Variants in PTPRD observed in about 807,000 individuals in gnomAD.
PTPRD encodes the protein receptor-type tyrosine-protein phosphatase delta.
Under a neutral mutation model 214.5 loss-of-function variants are expected in PTPRD, and 34 were observed. That is an observed-to-expected ratio of 0.16 (90% CI 0.12 to 0.21). PTPRD has a LOEUF of 0.21. PTPRD is among the 10% of genes least tolerant of loss of function. PTPRD has a pLI of 1.00. For synonymous variants in PTPRD, 1,128 were observed against 845.7 expected (o/e 1.33, Z -5.79); for missense variants, 2,545 against 2,398.7 (o/e 1.06, Z -1.27).
chr9:9,726,773 C>T (rs1427781990), intron 7 of PTPRD, among the ~76,000 whole-genome samples: 1 of 152,082 alleles, frequency 6.6e-6, no homozygotes, highest in South Asian at 2.1e-4. Context: ...GAATGATACA[C>T]AGGCTCAGGC....
At position 9,237,331 on chromosome 9, in the gene PTPRD, A is replaced by G. The variant is rs372863582; in HGVS notation, c.-202-53968T>C. On this transcript the variant is annotated intron_variant, in intron 9 of 45. Transcript: ENST00000381196. ...TGTAATCCCAGTACTTTGGGAGGCC[A>G]AGGCAGGAGGATCACTGGAGCCCAG... 2.6e-5 allele frequency among the ~76,000 whole-genome samples: 4 copies of G among 152,192 alleles called. No individual in the cohort carries two copies. The East Asian group carries it at 5.8e-4, about 22-fold the overall frequency.
At chr9:8,374,060 T>A (rs10977015) in intron 39 of PTPRD, among the ~76,000 whole-genome samples, 11,899 of 151,318 alleles carry the variant, frequency 0.079, 589 homozygotes, top group Middle Eastern at 0.17. Context: ...ACTCCCAAAT[T>A]ATGTGTCTCT....
intron 8 of PTPRD, among the ~76,000 whole-genome samples, chr9:9,533,917 T>A (rs964666157): frequency 6.6e-6 from 1 of 152,100 alleles, no homozygotes. Context: ...CTTTTTACTG[T>A]ATCCTTACTT....
intron 12 of PTPRD, among the ~76,000 whole-genome samples, chr9:8,694,401 A>G (rs1288668731): frequency 2.0e-5 from 3 of 152,210 alleles, no homozygotes; most frequent in Non-Finnish European, 4.4e-5. Flanking sequence ...ACATTCATAC[A>G]AACAACACTT....
At chr9:10,088,078 G>A (rs2098378661) in intron 3 of PTPRD, among the ~76,000 whole-genome samples, 1 of 151,720 alleles carries the variant, frequency 6.6e-6, no homozygotes, top group Non-Finnish European at 1.5e-5. Flanking sequence ...ATCCATTCAC[G>A]AATTTACTTA....
chr9:9,645,813 T>C (rs1022116057), intron 7 of PTPRD, among the ~76,000 whole-genome samples: 4 of 152,180 alleles, frequency 2.6e-5, no homozygotes, highest in African/African-American at 9.6e-5. Flanking sequence ...TTTAAAGATA[T>C]TACAGTGAGT....
intron 8 of PTPRD, among the ~76,000 whole-genome samples, chr9:9,497,384 G>A (rs1216213221): frequency 6.6e-6 from 1 of 152,076 alleles, no homozygotes; most frequent in Non-Finnish European, 1.5e-5. Context: ...GCATAGAAGA[G>A]TCCATTTTGG....
At chr9:8,657,444 C>T (rs1400561919) in intron 12 of PTPRD, among the ~76,000 whole-genome samples, 2 of 152,128 alleles carry the variant, frequency 1.3e-5, no homozygotes, top group African/African-American at 2.4e-5. Flanking sequence ...GCTGGGATTA[C>T]AGGCGTGAGC....
chr9:10,595,306 G>C (rs1462052419), intron 2 of PTPRD, among the ~76,000 whole-genome samples: 2 of 151,714 alleles, frequency 1.3e-5, no homozygotes, highest in Non-Finnish European at 2.9e-5. Context: ...AAAAAGAGAT[G>C]AACTATAAAA....
chr9:9,748,443 A>C (rs941781548), intron 6 of PTPRD, among the ~76,000 whole-genome samples: 8 of 152,260 alleles, frequency 5.3e-5, no homozygotes, highest in African/African-American at 1.4e-4. Context: ...AACCAAGATC[A>C]AAATAAAGAC....
At chr9:10,510,211 C>A (rs962037946) in intron 2 of PTPRD, among the ~76,000 whole-genome samples, 2 of 152,070 alleles carry the variant, frequency 1.3e-5, no homozygotes, top group Admixed American at 6.6e-5. Context: ...CTTTCCCATA[C>A]CACTCAGTAT....
intron 5 of PTPRD, among the ~76,000 whole-genome samples, chr9:9,924,317 A>T (rs2083520490): frequency 6.6e-6 from 1 of 152,062 alleles, no homozygotes; most frequent in South Asian, 2.1e-4. Flanking sequence ...AGGACCAGAT[A>T]CACGAGCTAA....
At chr9:8,461,319 G>C (rs2096394052) in intron 32 of PTPRD, among the ~76,000 whole-genome samples, 1 of 152,058 alleles carries the variant, frequency 6.6e-6, no homozygotes, top group South Asian at 2.1e-4. Flanking sequence ...TCAGAGATTG[G>C]TATGTTTGTT....
intron 14 of PTPRD, among the ~76,000 whole-genome samples, chr9:8,566,100 A>AGGTGTGTGTGTGTGTG (rs143621142): frequency 7.3e-6 from 1 of 137,814 alleles, no homozygotes; most frequent in African/African-American, 2.7e-5. Flanking sequence ...AATGCAAAAT[A>AGGTGTGTGTGTGTGTG]TGTGTGTGTG....
intron 14 of PTPRD, among the ~76,000 whole-genome samples, chr9:8,539,836 C>G (rs1404324943): frequency 6.6e-6 from 1 of 152,052 alleles, no homozygotes; most frequent in Non-Finnish European, 1.5e-5. Context: ...CAATTCTGAA[C>G]TGGAGCCTCT....
chr9:9,587,820 T>G (rs540057729), intron 7 of PTPRD, among the ~76,000 whole-genome samples: 100 of 152,020 alleles, frequency 6.6e-4, no homozygotes, highest in African/African-American at 2.4e-3. Flanking sequence ...TCATAGAGAA[T>G]AGAATGGTAA....
At chr9:10,394,150 A>ATATATC (rs2098125638) in intron 2 of PTPRD, among the ~76,000 whole-genome samples, 3 of 145,504 alleles carry the variant, frequency 2.1e-5, no homozygotes, top group African/African-American at 7.5e-5. Flanking sequence ...AAAGATATCT[A>ATATATC]TATATATAGA....
intron 11 of PTPRD, among the ~76,000 whole-genome samples, chr9:9,016,887 T>C (rs1308844517): frequency 2.0e-5 from 3 of 152,132 alleles, no homozygotes; most frequent in Admixed American, 6.6e-5. Context: ...CATGAAAACA[T>C]TGAGGAGCAG....
At chr9:8,898,259 CT>C (rs5896273) in intron 11 of PTPRD, among the ~76,000 whole-genome samples, 251 of 150,638 alleles carry the variant, frequency 1.7e-3, no homozygotes, top group African/African-American at 5.4e-3. Flanking sequence ...AGAAAATGAA[CT>C]TTTTTTTTTC....
Sources: gnomAD v4.1 joint callset for allele counts (sites outside exome capture counted in the v4.1 genomes callset) on GRCh38, gnomAD v4.1.1 for gene constraint, MANE v1.5 for transcripts, NCBI Gene and HGNC (gene_info 2026-07-23, HGNC 2026-07-21) for gene names.